The following PDE8B variants were observed in gnomAD, a reference collection of about 807,000 sequenced individuals.
PDE8B encodes the protein phosphodiesterase 8B.
A neutral mutation model predicts 101.3 loss-of-function variants in PDE8B; 26 were observed. The ratio of observed to expected loss-of-function variants is 0.26; its 90% confidence interval spans 0.19 to 0.36. The LOEUF (loss-of-function observed/expected upper bound fraction) is 0.36. Ranked by LOEUF, PDE8B falls within the 10% of genes least tolerant of loss-of-function variation. The pLI, the probability that PDE8B is intolerant of heterozygous loss-of-function variation, is 1.00. For missense variants in PDE8B, 810 were observed against 1,163.1 expected (o/e 0.70, Z 4.42); for synonymous variants, 424 against 429.3 (o/e 0.99, Z 0.15).
chr5:77,099,615 T>C, the PDE8B span, among the ~76,000 whole-genome samples: 3 of 124,348 alleles, frequency 2.4e-5, no homozygotes, highest in South Asian at 4.9e-4. Flanking sequence ...CTTTTCTTTT[T>C]TTTTTTTTCT....
the PDE8B span, among the ~76,000 whole-genome samples, chr5:77,125,353 A>G: frequency 3.9e-5 from 6 of 152,312 alleles, no homozygotes; most frequent in Non-Finnish European, 7.4e-5. Flanking sequence ...ACTCTTGTGC[A>G]TTGCTGGTGG....
intron 1 of PDE8B, among the ~76,000 whole-genome samples, chr5:77,289,210 A>C (rs887633835): frequency 6.6e-6 from 1 of 152,218 alleles, no homozygotes; most frequent in Admixed American, 6.5e-5. Context: ...TAAGGTGAAA[A>C]GGGAAATGAT....
chr5:77,205,932 C>T (rs968512156), upstream of PDE8B, among the ~76,000 whole-genome samples: 2 of 152,120 alleles, frequency 1.3e-5, no homozygotes, highest in African/African-American at 2.4e-5. Flanking sequence ...TTGTAGACAA[C>T]ATTGCTACCA....
chr5:77,383,845 T>C (rs1026456313), intron 10 of PDE8B, among the ~76,000 whole-genome samples: 1 of 152,224 alleles, frequency 6.6e-6, no homozygotes, highest in Non-Finnish European at 1.5e-5. Context: ...TCTATATATC[T>C]GTTTTGGTAC....
intron 17 of PDE8B, among the ~76,000 whole-genome samples, chr5:77,415,537 T>C (rs989242562): frequency 2.0e-5 from 3 of 151,986 alleles, no homozygotes; most frequent in Non-Finnish European, 4.4e-5. Flanking sequence ...TTTTGTATGT[T>C]TAGTAGAGAT....
intron 18 of PDE8B, 98 bp downstream of exon 18, chr5:77,418,544 G>A: frequency 1.2e-6 from 1 of 827,402 alleles, no homozygotes; most frequent in Non-Finnish European, 2.1e-6. Context: ...AATATTAGCT[G>A]TCCCACTGTA....
intron 1 of PDE8B, among the ~76,000 whole-genome samples, chr5:77,236,792 C>T (rs929356746): frequency 3.9e-5 from 6 of 152,072 alleles, no homozygotes; most frequent in Admixed American, 1.3e-4. Flanking sequence ...TCTATAATGT[C>T]AATTTAGTTC....
intron 1 of PDE8B, among the ~76,000 whole-genome samples, chr5:77,222,863 G>C (rs1342355121): frequency 6.6e-6 from 1 of 152,158 alleles, no homozygotes; most frequent in Non-Finnish European, 1.5e-5. Context: ...TTAAGGTCAG[G>C]CTTTCTAAGC....
chr5:77,260,493 C>T (rs959138514), intron 1 of PDE8B, among the ~76,000 whole-genome samples: 1 of 151,770 alleles, frequency 6.6e-6, no homozygotes, highest in Non-Finnish European at 1.5e-5. Context: ...GCAAATATAT[C>T]CATAGACATC....
chr5:77,365,448 G>C (rs1783941266), intron 10 of PDE8B, among the ~76,000 whole-genome samples: 1 of 152,186 alleles, frequency 6.6e-6, no homozygotes, highest in South Asian at 2.1e-4. Flanking sequence ...CTGATAGAAG[G>C]ATGGCCTTTG....
chr5:77,213,994 AG>A (rs1749097912), intron 1 of PDE8B: 1 of 152,348 alleles, frequency 6.6e-6, no homozygotes, highest in Non-Finnish European at 1.5e-5. Context: ...ATTTCTGGTA[AG>A]AAGTTAGATT....
At chr5:77,274,548 G>A (rs1444891417) in intron 1 of PDE8B, among the ~76,000 whole-genome samples, 1 of 152,170 alleles carries the variant, frequency 6.6e-6, no homozygotes, top group Non-Finnish European at 1.5e-5. Context: ...AGCTACATGT[G>A]GGGGACAAAT....
chr5:77,171,670 G>A, the PDE8B span, among the ~76,000 whole-genome samples: 30 of 152,284 alleles, frequency 2.0e-4, no homozygotes, highest in African/African-American at 7.0e-4. Context: ...CACAGGTGTG[G>A]GCAGGGTTAA....
intron 3 of PDE8B, among the ~76,000 whole-genome samples, chr5:77,326,104 A>G (rs958009947): frequency 6.6e-6 from 1 of 152,248 alleles, no homozygotes; most frequent in African/African-American, 2.4e-5. Flanking sequence ...CAAAATGAAC[A>G]TCGGAAATGT....
At chr5:77,230,773 T>G (rs1378113908) in intron 1 of PDE8B, among the ~76,000 whole-genome samples, 2 of 152,188 alleles carry the variant, frequency 1.3e-5, no homozygotes, top group African/African-American at 4.8e-5. Flanking sequence ...AGGCTGCACA[T>G]TCAATGTCAA....
the PDE8B span, among the ~76,000 whole-genome samples, chr5:77,103,703 TGAGCAACCAG>T: frequency 6.0e-3 from 916 of 152,256 alleles, 5 homozygotes; most frequent in African/African-American, 0.021. Flanking sequence ...AGGATGGGCA[TGAGCAACCAG>T]GATCAAAGGT....
At chr5:77,303,357 C>T (rs1213540535) in intron 1 of PDE8B, among the ~76,000 whole-genome samples, 4 of 151,876 alleles carry the variant, frequency 2.6e-5, no homozygotes, top group East Asian at 1.9e-4. Flanking sequence ...CTGGGCAACA[C>T]GGTGAAACCC....
intron 7 of PDE8B, among the ~76,000 whole-genome samples, chr5:77,348,514 T>C (rs1032798729): frequency 2.6e-5 from 4 of 152,192 alleles, no homozygotes; most frequent in Non-Finnish European, 5.9e-5. Context: ...GGCTGCCTCC[T>C]GCCCCAGCCA....
intron 1 of PDE8B, among the ~76,000 whole-genome samples, chr5:77,265,698 G>A (rs544737798): frequency 2.0e-5 from 3 of 152,072 alleles, no homozygotes; most frequent in Non-Finnish European, 4.4e-5. Context: ...GACCATCTGG[G>A]GTTATCCTAT....
Sources: allele counts gnomAD v4.1 joint callset (sites outside exome capture counted in the v4.1 genomes callset), GRCh38; gene constraint gnomAD v4.1.1; transcripts MANE v1.5; gene names NCBI Gene and HGNC (gene_info 2026-07-23, HGNC 2026-07-21).